The following PCCB variants were observed in gnomAD, a reference collection of about 807,000 sequenced individuals.
The protein encoded by PCCB is propionyl-CoA carboxylase beta chain, mitochondrial.
Under a neutral mutation model 60.7 loss-of-function variants are expected in PCCB, and 43 were observed. The ratio of observed to expected loss-of-function variants is 0.71; its 90% CI spans 0.55 to 0.91. The LOEUF (loss-of-function observed/expected upper bound fraction) is 0.91, where lower values mean the gene tolerates loss of function less well. Among genes scored for constraint, PCCB ranks in the 40% least tolerant of loss-of-function variants. PCCB has a pLI of 0.00. For synonymous variants in PCCB, 276 were observed against 255.9 expected (o/e 1.08, Z -0.75); for missense variants, 766 against 702.8 (o/e 1.09, Z -1.02).
chr3:136,329,874 A>G (rs1309128545), intron 14 of PCCB, 31 bp from the exon 15 acceptor site: 1 of 1,613,676 alleles, frequency 6.2e-7, no homozygotes, highest in East Asian at 2.2e-5. Context: ...CGGGATGCAG[A>G]TGATCCACTC....
chr3:136,299,335 T>C (rs1351349990), intron 8 of PCCB, among the ~76,000 whole-genome samples: 1 of 152,030 alleles, frequency 6.6e-6, no homozygotes, highest in East Asian at 1.9e-4. Flanking sequence ...TATTTGTGCA[T>C]ACACACATAC....
At chr3:136,261,255 T>C (rs1055607764) in intron 4 of PCCB, among the ~76,000 whole-genome samples, 1 of 152,076 alleles carries the variant, frequency 6.6e-6, no homozygotes, top group African/African-American at 2.4e-5. Flanking sequence ...CTATAAATAA[T>C]AGAGAATTTT....
chr3:136,256,169 C>T, intron 2 of PCCB, 194 bp downstream of exon 2: 1 of 763,022 alleles, frequency 1.3e-6, no homozygotes, highest in Non-Finnish European at 2.1e-6. Flanking sequence ...CCTTGAACTC[C>T]TGGCTTCAAG....
intron 7 of PCCB, 96 bp from the exon 8 acceptor site, chr3:136,297,856 A>G: frequency 1.5e-6 from 2 of 1,370,584 alleles, no homozygotes; most frequent in South Asian, 1.2e-5. Context: ...ACGGTCTGCT[A>G]CTGACATGCC....
chr3:136,278,005 G>C (rs945179228), intron 5 of PCCB, among the ~76,000 whole-genome samples: 6 of 152,170 alleles, frequency 3.9e-5, no homozygotes, highest in Non-Finnish European at 7.4e-5. Context: ...GTTATATCTT[G>C]AAATGGGGAG....
chr3:136,299,747 T>C (rs1310581732), intron 8 of PCCB, among the ~76,000 whole-genome samples: 1 of 150,294 alleles, frequency 6.7e-6, no homozygotes, highest in Admixed American at 6.6e-5. Context: ...TATGTATAGG[T>C]ATGCATGTGT....
intron 14 of PCCB, 107 bp downstream of exon 14, chr3:136,328,964 C>A: frequency 1.2e-6 from 1 of 867,754 alleles, no homozygotes; most frequent in Admixed American, 2.0e-5. Context: ...GCAGTCTAAT[C>A]TGTTGACTAG....
At chr3:136,315,613 G>A (rs527367542) in intron 9 of PCCB, among the ~76,000 whole-genome samples, 4 of 151,736 alleles carry the variant, frequency 2.6e-5, no homozygotes, top group Admixed American at 6.6e-5. Flanking sequence ...GGTGGATTGC[G>A]TGAGGCCAAG....
chr3:136,264,440 G>GTGTGTATATATATATATATATATATA lies in PCCB; in HGVS notation c.543+2376_543+2377insGTGTATATATATATATATATATATAT. ...CTGTCTCTCATATATATGTGTGTGT[G>GTGTGTATATATATATATATATATATA]TATATATGTATATATATATATGTTC... On this transcript the variant is annotated intron_variant, in intron 5 of 14. Transcript: ENST00000251654. 2.3e-4 allele frequency among the ~76,000 whole-genome samples: 28 copies of GTGTGTATATATATATATATATATATA among 123,842 alleles called. 1 individual carries two copies. The highest frequency in any genetic ancestry group is 7.9e-4 in the South Asian group (3 of 3,804). The allele number at this position is 123,842 out of a possible 152,430, so 81.2% of individuals were successfully genotyped here. A position where few individuals can be genotyped will look rare whatever the true frequency, so the allele number is the denominator to read the frequency against.
chr3:136,280,029 G>A (rs756527042), intron 5 of PCCB, among the ~76,000 whole-genome samples: 3 of 152,186 alleles, frequency 2.0e-5, no homozygotes, highest in Non-Finnish European at 4.4e-5. Context: ...CGCAACTGCT[G>A]AGAGGAGCAG....
chr3:136,279,633 T>C (rs1314310135), intron 5 of PCCB, among the ~76,000 whole-genome samples: 1 of 152,156 alleles, frequency 6.6e-6, no homozygotes, highest in Non-Finnish European at 1.5e-5. Flanking sequence ...ACAACAGATT[T>C]ATTGTTTCAT....
intron 10 of PCCB, among the ~76,000 whole-genome samples, chr3:136,317,870 C>T (rs760843435): frequency 2.6e-5 from 4 of 152,226 alleles, no homozygotes; most frequent in Non-Finnish European, 2.9e-5. Context: ...GAGACTCTTC[C>T]ATGGCTGTGC....
intron 5 of PCCB, among the ~76,000 whole-genome samples, chr3:136,270,600 G>T (rs759219934): frequency 6.0e-4 from 92 of 152,280 alleles, no homozygotes; most frequent in Middle Eastern, 3.4e-3. Flanking sequence ...CCACCTTGTG[G>T]GTTAAAGCAG....
chr3:136,257,647 T>C (rs1228646723), intron 3 of PCCB, among the ~76,000 whole-genome samples: 2 of 152,170 alleles, frequency 1.3e-5, no homozygotes, highest in East Asian at 1.9e-4. Flanking sequence ...AAGTTTGATA[T>C]TAAAATTGGC....
intron 9 of PCCB, among the ~76,000 whole-genome samples, chr3:136,311,721 A>G (rs1934674795): frequency 6.6e-6 from 1 of 152,084 alleles, no homozygotes; most frequent in Non-Finnish European, 1.5e-5. Flanking sequence ...GCACTTTAGG[A>G]AGCTGAGGAG....
intron 9 of PCCB, among the ~76,000 whole-genome samples, chr3:136,312,028 T>G (rs901151854): frequency 5.3e-5 from 8 of 152,256 alleles, no homozygotes; most frequent in Non-Finnish European, 1.2e-4. Context: ...AAGTGGGGAC[T>G]AGCCATGCTT....
At chr3:136,328,083 G>A (rs969424674) in intron 13 of PCCB, among the ~76,000 whole-genome samples, 1 of 152,162 alleles carries the variant, frequency 6.6e-6, no homozygotes, top group Non-Finnish European at 1.5e-5. Context: ...CATTCTCCCA[G>A]CTCCACCTCA....
chr3:136,317,178 G>T, intron 10 of PCCB, 114 bp downstream of exon 10: 2 of 718,328 alleles, frequency 2.8e-6, no homozygotes, highest in Non-Finnish European at 4.4e-6. Flanking sequence ...TCCATGACCA[G>T]AGGAAAAAAT....
intron 5 of PCCB, among the ~76,000 whole-genome samples, chr3:136,279,376 G>T (rs1323723251): frequency 2.6e-5 from 4 of 152,052 alleles, no homozygotes; most frequent in Non-Finnish European, 4.4e-5. Flanking sequence ...CTCCATTATG[G>T]CCTTGGGGTG....
Sources: gnomAD v4.1 joint callset for allele counts (sites outside exome capture counted in the v4.1 genomes callset) on GRCh38, gnomAD v4.1.1 for gene constraint, MANE v1.5 for transcripts, NCBI Gene and HGNC (gene_info 2026-07-23, HGNC 2026-07-21) for gene names.